Variants in FAT3 observed in about 807,000 individuals in gnomAD.
The protein encoded by FAT3 is FAT atypical cadherin 3.
In FAT3, 95 loss-of-function variants were observed where a neutral mutation model predicts 310.2. That is an observed-to-expected ratio of 0.31 (90% CI 0.26 to 0.36). The LOEUF is 0.36. Ranked by LOEUF, FAT3 falls within the 10% of genes least tolerant of loss-of-function variation. The pLI is 1.00. For missense variants in FAT3, 5,408 were observed against 5,715.6 expected (o/e 0.95, Z 1.74); for synonymous variants, 2,314 against 2,192.9 (o/e 1.06, Z -1.54).
intron 2 of FAT3, among the ~76,000 whole-genome samples, chr11:92,454,540 C>T (rs1461894064): frequency 6.6e-6 from 1 of 152,124 alleles, no homozygotes; most frequent in Non-Finnish European, 1.5e-5. Context: ...GAGAAGTGAA[C>T]ACGATTGGTA....
intron 2 of FAT3, among the ~76,000 whole-genome samples, chr11:92,416,875 A>C (rs2134958452): frequency 6.6e-6 from 1 of 152,266 alleles, no homozygotes; most frequent in African/African-American, 2.4e-5. Flanking sequence ...GGAAAGATTG[A>C]TGCATTTGAC....
intron 3 of FAT3, among the ~76,000 whole-genome samples, chr11:92,645,573 T>C (rs542260591): frequency 1.8e-4 from 27 of 152,168 alleles, no homozygotes; most frequent in Non-Finnish European, 3.5e-4. Flanking sequence ...CTCTGGCTTA[T>C]CTGACTTGTC....
intron 3 of FAT3, among the ~76,000 whole-genome samples, chr11:92,662,263 G>A (rs1792356): frequency 0.54 from 82,001 of 152,056 alleles, 22,935 homozygotes; most frequent in African/African-American, 0.69. Flanking sequence ...GTCAGCCATG[G>A]AAGCATAGAA....
chr11:92,373,760 G>GCA (rs57651290), intron 2 of FAT3, among the ~76,000 whole-genome samples: 8,156 of 129,850 alleles, frequency 0.063, 288 homozygotes, highest in East Asian at 0.1. Context: ...AGATATGTAT[G>GCA]CACACACACA....
intron 3 of FAT3, among the ~76,000 whole-genome samples, chr11:92,619,208 ACCTTTTTTATT>A (rs1200738531): frequency 6.6e-6 from 1 of 152,110 alleles, no homozygotes; most frequent in Non-Finnish European, 1.5e-5. Flanking sequence ...ATGTTGTATA[ACCTTTTTTATT>A]CTTTGCTGGA....
chr11:92,819,834 A>C (rs1947914694), intron 13 of FAT3, among the ~76,000 whole-genome samples: 1 of 152,318 alleles, frequency 6.6e-6, no homozygotes, highest in Non-Finnish European at 1.5e-5. Context: ...TGCTGTTCAT[A>C]CCACAGTGAC....
At position 92,349,533 on chromosome 11, in the gene FAT3, ACCTACTGCAT is replaced by A. The variant is rs1173467810; in HGVS notation, c.-17-2560_-17-2551del. ...CCACTCTGCTAGGTAGGACATTTGAACCTACTGCATCCAGAAAACCCCAAATGTATCATTT... is the reference window on the plus strand; with the variant it reads ...CCACTCTGCTAGGTAGGACATTTGAACCAGAAAACCCCAAATGTATCATTT... On this transcript the variant is annotated intron_variant, in intron 1 of 27. Transcript: ENST00000525166. Among the ~76,000 whole-genome samples, 19 of 152,250 alleles carry A rather than the reference ACCTACTGCAT, an allele frequency of 1.2e-4. No individual in the cohort carries two copies. In the Middle Eastern group the frequency reaches 0.01, roughly 82 times the overall value.
intron 23 of FAT3, 112 bp from the exon 24 acceptor site, chr11:92,882,626 C>T (rs1198038062): frequency 4.3e-5 from 27 of 625,456 alleles, no homozygotes; most frequent in Middle Eastern, 3.8e-4. Context: ...TTCATCTGTA[C>T]CCTTTAGGTG....
chr11:92,488,449 CG>C (rs146469219), intron 2 of FAT3, among the ~76,000 whole-genome samples: 1 of 58,142 alleles, frequency 1.7e-5, no homozygotes, highest in African/African-American at 6.8e-5. Flanking sequence ...TAACTAGCAC[CG>C]CCCCCCCCCC....
At chr11:92,403,809 G>C (rs575500427) in intron 2 of FAT3, among the ~76,000 whole-genome samples, 21 of 152,240 alleles carry the variant, frequency 1.4e-4, no homozygotes, top group African/African-American at 5.1e-4. Flanking sequence ...GGACAAGGTG[G>C]GAGGATCACG....
In FAT3 at chr11:92,352,282, C is replaced by G. The variant is rs371469483; in HGVS notation, c.170C>G (p.Ala57Gly). ...IYNATVYENS[A>G]ARTYVNSQSR... ...AATGCTACCGTGTATGAGAACTCAGCAGCAAGGACCTACGTCAACAGCCAG... is the reference window on the plus strand; with the variant it reads ...AATGCTACCGTGTATGAGAACTCAGGAGCAAGGACCTACGTCAACAGCCAG... Residue 57 changes from alanine (A) to glycine (G), a missense_variant, in exon 2 of 28, where the codon GCA (alanine) becomes GGA (glycine). By Grantham distance (60) the Ala-to-Gly change is moderately conservative. Around this residue, in one of 5 missense-constraint regions of FAT3, gnomAD observed 152 missense variants for 188.3 expected, o/e 0.81. Coordinates refer to ENST00000525166, the MANE Select transcript of FAT3 (RefSeq NM_001367949.2). 16 of 1,471,742 alleles carry G rather than the reference C, an allele frequency of 1.1e-5. No individual in the cohort carries two copies. The highest frequency in any genetic ancestry group is 7.0e-5 in the African/African-American group (5 of 71,622). 91.2% of individuals were successfully genotyped at this position (1,471,742 alleles called of 1,614,324 possible).
At chr11:92,763,878 C>T (rs1030201061) in intron 5 of FAT3, among the ~76,000 whole-genome samples, 13 of 152,102 alleles carry the variant, frequency 8.5e-5, no homozygotes, top group African/African-American at 3.1e-4. Flanking sequence ...CAAGTTTTCT[C>T]ACCCCGCAGG....
chr11:92,834,590 T>C (rs1348251653), intron 14 of FAT3, among the ~76,000 whole-genome samples: 15 of 152,210 alleles, frequency 9.9e-5, no homozygotes, highest in Non-Finnish European at 2.1e-4. Flanking sequence ...AGAGTGAAGA[T>C]GCCAGAGATT....
At chr11:92,525,697 T>A (rs996399054) in intron 3 of FAT3, among the ~76,000 whole-genome samples, 1 of 152,142 alleles carries the variant, frequency 6.6e-6, no homozygotes, top group Admixed American at 6.5e-5. Flanking sequence ...AGAGTTGTGA[T>A]GGATGGGGTT....
At chr11:92,785,030 T>C (rs1946852318) in intron 7 of FAT3, among the ~76,000 whole-genome samples, 1 of 151,844 alleles carries the variant, frequency 6.6e-6, no homozygotes, top group Non-Finnish European at 1.5e-5. Flanking sequence ...CCCAAAACTT[T>C]ACTGGCACAC....
rs1864969266 is a variant in FAT3 at position 92,247,556 on chromosome 11, G to C, written c.-18+22382G>C. ...TTCTGTGACTATCCCTTCCAAATCA[G>C]AAGGGAGTCATTTTTCAATTTCCTC... On this transcript the variant is annotated intron_variant, in intron 1 of 27. Transcript: ENST00000525166. 2.0e-5 allele frequency among the ~76,000 whole-genome samples: 3 copies of C among 151,900 alleles called. No individual in the cohort carries two copies. In the South Asian group the frequency reaches 6.2e-4, roughly 32 times the overall value.
intron 3 of FAT3, among the ~76,000 whole-genome samples, chr11:92,673,900 G>T (rs1321801090): frequency 6.6e-6 from 1 of 152,058 alleles, no homozygotes; most frequent in East Asian, 1.9e-4. Flanking sequence ...CTTGTTTTGG[G>T]CCAGGTATGG....
rs551759640 is a variant in FAT3 at position 92,460,314 on chromosome 11, G to A, written c.3293-64320G>A. Reference sequence around the variant, plus strand: ...TAGTGAATGAGTGATATTCTTCAAAGAGAGGTGCCATCTGGGAAATCAGGT... The same window carrying A: ...TAGTGAATGAGTGATATTCTTCAAAAAGAGGTGCCATCTGGGAAATCAGGT... On this transcript the variant is annotated intron_variant, in intron 2 of 27. Coordinates refer to ENST00000525166, the MANE Select transcript of FAT3 (RefSeq NM_001367949.2). Among the ~76,000 whole-genome samples, 5 of 152,346 alleles carry A rather than the reference G, an allele frequency of 3.3e-5. No individual in the cohort carries two copies. In the South Asian group the frequency reaches 1.0e-3, roughly 32 times the overall value.
chr11:92,592,815 A>G (rs2135563503), intron 3 of FAT3, among the ~76,000 whole-genome samples: 1 of 152,200 alleles, frequency 6.6e-6, no homozygotes, highest in Non-Finnish European at 1.5e-5. Context: ...TATTTTTTCA[A>G]TTGTGGTAAA....
Sources: gnomAD v4.1 joint callset for allele counts (sites outside exome capture counted in the v4.1 genomes callset) on GRCh38, gnomAD v4.1.1 for gene constraint, gnomAD v4.1.1 regional missense constraint, MANE v1.5 for transcripts, NCBI Gene and HGNC (gene_info 2026-07-23, HGNC 2026-07-21) for gene names.